The following PTPRD variants were observed in gnomAD, a reference collection of about 807,000 sequenced individuals.
The protein encoded by PTPRD is protein tyrosine phosphatase receptor type D.
In PTPRD, 34 loss-of-function variants were observed where a neutral mutation model predicts 214.5. The observed-to-expected ratio is 0.16, with a 90% CI of 0.12 to 0.21. PTPRD has a LOEUF of 0.21. Among genes scored for constraint, PTPRD ranks in the 10% least tolerant of loss-of-function variants. The probability of loss-of-function intolerance (pLI) is 1.00; values close to 1 mark genes in which losing one functional copy is unlikely to be tolerated. For missense variants in PTPRD, 2,545 were observed against 2,398.7 expected (o/e 1.06, Z -1.27); for synonymous variants, 1,128 against 845.7 (o/e 1.33, Z -5.79).
intron 10 of PTPRD, among the ~76,000 whole-genome samples, chr9:9,074,071 C>A (rs2099747575): frequency 1.3e-5 from 2 of 151,920 alleles, no homozygotes; most frequent in South Asian, 2.1e-4. Flanking sequence ...GTTTTGTTAT[C>A]CTTAAAATAA....
intron 11 of PTPRD, among the ~76,000 whole-genome samples, chr9:8,800,025 C>G (rs1272885296): frequency 6.6e-6 from 1 of 151,816 alleles, no homozygotes; most frequent in Non-Finnish European, 1.5e-5. Context: ...ACATTCATAT[C>G]CATGAGTTAC....
chr9:9,655,021 A>C (rs1450055637), intron 7 of PTPRD, among the ~76,000 whole-genome samples: 1 of 152,074 alleles, frequency 6.6e-6, no homozygotes, highest in Non-Finnish European at 1.5e-5. Context: ...AGATATATAG[A>C]TATAGATATA....
intron 11 of PTPRD, among the ~76,000 whole-genome samples, chr9:8,808,213 C>T (rs1223067795): frequency 6.6e-6 from 1 of 152,090 alleles, no homozygotes; most frequent in Non-Finnish European, 1.5e-5. Flanking sequence ...GCCACCATAC[C>T]ACTGGAATAG....
At chr9:9,210,687 T>C (rs2099947958) in intron 9 of PTPRD, among the ~76,000 whole-genome samples, 1 of 152,070 alleles carries the variant, frequency 6.6e-6, no homozygotes, top group Admixed American at 6.6e-5. Flanking sequence ...ACATGCCACA[T>C]ACATGTGCCA....
At chr9:9,766,085 A>G (rs1245288529) in intron 6 of PTPRD, among the ~76,000 whole-genome samples, 1 of 152,180 alleles carries the variant, frequency 6.6e-6, no homozygotes, top group East Asian at 1.9e-4. Flanking sequence ...CTCCTTCACG[A>G]CTGTCCTCAG....
At chr9:10,439,965 C>T (rs975090723) in intron 2 of PTPRD, among the ~76,000 whole-genome samples, 19 of 151,256 alleles carry the variant, frequency 1.3e-4, no homozygotes, top group African/African-American at 2.4e-4. Context: ...TGTAATATAA[C>T]GTTTGCATAA....
intron 9 of PTPRD, among the ~76,000 whole-genome samples, chr9:9,205,054 T>G (rs2099944029): frequency 6.6e-6 from 1 of 152,158 alleles, no homozygotes; most frequent in African/African-American, 2.4e-5. Flanking sequence ...TAATGGGAAT[T>G]TAATAGCTCA....
At chr9:8,877,230 T>C (rs934040557) in intron 11 of PTPRD, among the ~76,000 whole-genome samples, 2 of 152,336 alleles carry the variant, frequency 1.3e-5, no homozygotes, top group South Asian at 4.1e-4. Flanking sequence ...CAGCCTGTTT[T>C]ACGTTTTAAA....
At chr9:8,393,876 TA>T (rs1395822157) in intron 36 of PTPRD, among the ~76,000 whole-genome samples, 2 of 152,150 alleles carry the variant, frequency 1.3e-5, no homozygotes, top group African/African-American at 4.8e-5. Flanking sequence ...TTGTGGCATT[TA>T]AAAATATTAC....
chr9:9,408,818 G>A (rs942526425), intron 8 of PTPRD, among the ~76,000 whole-genome samples: 3 of 151,768 alleles, frequency 2.0e-5, no homozygotes, highest in African/African-American at 7.2e-5. Flanking sequence ...CTGGCACAAA[G>A]TGCGTTCTCA....
At chr9:9,773,042 G>A (rs979572421) in intron 5 of PTPRD, among the ~76,000 whole-genome samples, 1 of 152,040 alleles carries the variant, frequency 6.6e-6, no homozygotes, top group Non-Finnish European at 1.5e-5. Context: ...GAAATATTGT[G>A]CTTTTATTTG....
At chr9:8,771,270 T>C (rs1242576356) in intron 11 of PTPRD, among the ~76,000 whole-genome samples, 1 of 152,226 alleles carries the variant, frequency 6.6e-6, no homozygotes, top group African/African-American at 2.4e-5. Flanking sequence ...TAAAATATTT[T>C]CCTAGTTATT....
At chr9:8,847,765 T>C (rs975370111) in intron 11 of PTPRD, among the ~76,000 whole-genome samples, 3 of 151,874 alleles carry the variant, frequency 2.0e-5, no homozygotes, top group African/African-American at 7.3e-5. Context: ...ATGGAAAAAA[T>C]AATCAAATCA....
At chr9:9,484,680 T>G (rs2095554607) in intron 8 of PTPRD, among the ~76,000 whole-genome samples, 1 of 152,098 alleles carries the variant, frequency 6.6e-6, no homozygotes, top group Non-Finnish European at 1.5e-5. Context: ...TTGGGCCCAT[T>G]TTTAGATGAA....
chr9:9,355,526 A>T (rs1460827327), intron 9 of PTPRD, among the ~76,000 whole-genome samples: 5 of 151,668 alleles, frequency 3.3e-5, no homozygotes, highest in African/African-American at 1.2e-4. Context: ...GAACACAAGG[A>T]GTTGCTATCA....
At chr9:8,592,793 C>T (rs574506536) in intron 14 of PTPRD, among the ~76,000 whole-genome samples, 2 of 152,218 alleles carry the variant, frequency 1.3e-5, no homozygotes, top group African/African-American at 4.8e-5. Context: ...TAACATGCTG[C>T]GTGTTAATGC....
intron 11 of PTPRD, among the ~76,000 whole-genome samples, chr9:8,938,923 C>T (rs958969279): frequency 1.3e-5 from 2 of 152,136 alleles, no homozygotes; most frequent in Admixed American, 6.6e-5. Flanking sequence ...AGCATTTGTC[C>T]AGCTCAGTTC....
Position 9,167,983 on chromosome 9 carries a change from T to G in PTPRD, c.-143+15321A>C, listed in dbSNP as rs144368327. ...CTTTCTGTGGGGTCCTTCTGTGGAGTAGATTTTTATCTTAAAATCAGATAA... is the reference window on the plus strand; with the variant it reads ...CTTTCTGTGGGGTCCTTCTGTGGAGGAGATTTTTATCTTAAAATCAGATAA... On this transcript the variant is annotated intron_variant, in intron 10 of 45. Coordinates refer to ENST00000381196, the MANE Select transcript of PTPRD (RefSeq NM_002839.4). 4.3e-3 allele frequency among the ~76,000 whole-genome samples: 659 copies of G among 152,220 alleles called. 2 individuals carry two copies. Among genetic ancestry groups the G allele is most frequent in the African/African-American group, 0.015 (630 of 41,528 alleles).
intron 36 of PTPRD, among the ~76,000 whole-genome samples, chr9:8,392,960 G>C (rs1447022105): frequency 2.0e-5 from 3 of 152,178 alleles, no homozygotes; most frequent in Admixed American, 6.6e-5. Context: ...TCCATTTCAA[G>C]TAGATGAGAC....
Sources: allele counts gnomAD v4.1 joint callset (sites outside exome capture counted in the v4.1 genomes callset), GRCh38; gene constraint gnomAD v4.1.1; transcripts MANE v1.5; gene names NCBI Gene and HGNC (gene_info 2026-07-23, HGNC 2026-07-21).